The following GAB2 variants were observed in gnomAD, a reference collection of about 807,000 sequenced individuals.
The protein encoded by GAB2 is GRB2-associated-binding protein 2.
Under a neutral mutation model 65.5 loss-of-function variants are expected in GAB2, and 26 were observed. The observed-to-expected ratio is 0.40, with a 90% CI of 0.29 to 0.55. The LOEUF is 0.55. Ranked by LOEUF, GAB2 falls within the 20% of genes least tolerant of loss-of-function variation. The probability of loss-of-function intolerance (pLI) is 0.53; values close to 1 mark genes in which losing one functional copy is unlikely to be tolerated. For missense variants in GAB2, 884 were observed against 875.8 expected (o/e 1.01, Z -0.12); for synonymous variants, 321 against 329.6 (o/e 0.97, Z 0.28).
At chr11:78,288,813 C>T (rs763253135) in intron 1 of GAB2, among the ~76,000 whole-genome samples, 3 of 152,082 alleles carry the variant, frequency 2.0e-5, no homozygotes, top group Admixed American at 6.5e-5. Flanking sequence ...TGTAGATGTA[C>T]GTAAGATTGT....
chr11:78,257,596 G>A (rs933148906), intron 2 of GAB2, among the ~76,000 whole-genome samples: 1 of 152,180 alleles, frequency 6.6e-6, no homozygotes, highest in African/African-American at 2.4e-5. Context: ...TTGAGACCTT[G>A]AGATTGGCCA....
intron 1 of GAB2, among the ~76,000 whole-genome samples, chr11:78,382,397 G>A (rs1248785419): frequency 8.2e-6 from 1 of 122,228 alleles, no homozygotes; most frequent in South Asian, 2.5e-4. Flanking sequence ...TTTTTTTTTT[G>A]AGACAGAGTC....
chr11:78,300,531 A>ACAAAAAAC (rs1866972782), intron 1 of GAB2, among the ~76,000 whole-genome samples: 1 of 142,014 alleles, frequency 7.0e-6, no homozygotes, highest in African/African-American at 3.1e-5. Flanking sequence ...AAACAAAAAA[A>ACAAAAAAC]CAAAAAACTA....
chr11:78,378,783 GC>G (rs1422726180), intron 1 of GAB2, among the ~76,000 whole-genome samples: 15 of 152,268 alleles, frequency 9.9e-5, no homozygotes, highest in African/African-American at 3.1e-4. Flanking sequence ...GAGCCACTGT[GC>G]CCCATAGACA....
At chr11:78,401,483 CCTTTT>C (rs1043611068) in intron 1 of GAB2, among the ~76,000 whole-genome samples, 4 of 141,904 alleles carry the variant, frequency 2.8e-5, no homozygotes, top group African/African-American at 1.1e-4. Context: ...AGTTTTCTTC[CCTTTT>C]AAGGCTGAAC....
intron 1 of GAB2, among the ~76,000 whole-genome samples, chr11:78,367,959 G>A (rs568858171): frequency 1.3e-5 from 2 of 151,186 alleles, no homozygotes; most frequent in East Asian, 1.9e-4. Context: ...TGGGACTACC[G>A]GCACCCGCCA....
intron 1 of GAB2, among the ~76,000 whole-genome samples, chr11:78,293,965 G>A (rs975029216): frequency 2.6e-5 from 4 of 152,038 alleles, no homozygotes; most frequent in Admixed American, 1.3e-4. Flanking sequence ...TGTGCACAAC[G>A]TGCAGGTTAG....
At chr11:78,370,923 T>C (rs976477376) in intron 1 of GAB2, among the ~76,000 whole-genome samples, 9 of 152,122 alleles carry the variant, frequency 5.9e-5, no homozygotes, top group African/African-American at 1.9e-4. Context: ...CACCCCACGT[T>C]TGAACTTGAA....
intron 3 of GAB2, among the ~76,000 whole-genome samples, chr11:78,232,270 G>A (rs1343423424): frequency 1.3e-5 from 2 of 152,144 alleles, no homozygotes; most frequent in African/African-American, 4.8e-5. Flanking sequence ...CAGTGATTCT[G>A]GAATCTCACC....
intron 1 of GAB2, among the ~76,000 whole-genome samples, chr11:78,315,498 A>G (rs188681436): frequency 6.6e-6 from 1 of 152,318 alleles, no homozygotes; most frequent in East Asian, 1.9e-4. Flanking sequence ...GGACCCTTAT[A>G]CCATATACAA....
At chr11:78,233,338 T>C (rs1035599792) in intron 3 of GAB2, among the ~76,000 whole-genome samples, 1 of 152,222 alleles carries the variant, frequency 6.6e-6, no homozygotes, top group African/African-American at 2.4e-5. Flanking sequence ...TCTGGCCTGT[T>C]AGCCATTTTT....
intron 1 of GAB2, among the ~76,000 whole-genome samples, chr11:78,305,325 C>T (rs557939514): frequency 1.3e-5 from 2 of 152,228 alleles, no homozygotes; most frequent in African/African-American, 4.8e-5. Context: ...AGTCTTGTCT[C>T]TGAAACTGCA....
rs73511310 is a variant in GAB2 at position 78,256,001 on chromosome 11, G to A, written c.377-5601C>T. Among the ~76,000 whole-genome samples the A allele has an allele frequency of 2.6e-3, 394 of 152,260 alleles. 4 individuals carry two copies. Among genetic ancestry groups the A allele is most frequent in the African/African-American group, 9.1e-3 (379 of 41,558 alleles). On this transcript the variant is annotated intron_variant, in intron 2 of 9. Transcript: ENST00000361507. Reference sequence around the variant, plus strand: ...TGGAGCAAATCACTTAGCCTCAGTTGCTTCATCTGTAAAAAGGGACTATTA... The same window carrying A: ...TGGAGCAAATCACTTAGCCTCAGTTACTTCATCTGTAAAAAGGGACTATTA...
intron 3 of GAB2, among the ~76,000 whole-genome samples, chr11:78,231,043 A>G (rs1045377360): frequency 1.8e-4 from 27 of 152,226 alleles, no homozygotes; most frequent in African/African-American, 5.3e-4. Context: ...TATGCCATAC[A>G]TATCACATGT....
intron 1 of GAB2, among the ~76,000 whole-genome samples, chr11:78,380,683 T>C (rs928967710): frequency 2.6e-5 from 4 of 152,174 alleles, no homozygotes; most frequent in Admixed American, 1.3e-4. Flanking sequence ...TGAAAGCTAT[T>C]GGAACTTTAA....
chr11:78,258,516 T>C (rs1347178872), intron 2 of GAB2, among the ~76,000 whole-genome samples: 1 of 152,160 alleles, frequency 6.6e-6, no homozygotes, highest in East Asian at 1.9e-4. Flanking sequence ...TTAATTTTTT[T>C]CCCCTCAATG....
rs67850407 is a variant in GAB2, at chr11:78,355,680, T to TAAAA, written c.75+61962_75+61965dup. Among the ~76,000 whole-genome samples the TAAAA allele has an allele frequency of 3.0e-3, 235 of 79,120 alleles. 11 individuals carry two copies. Among genetic ancestry groups the TAAAA allele is most frequent in the African/African-American group, 0.013 (220 of 17,394 alleles). 51.9% of individuals were successfully genotyped at this position (79,120 alleles called of 152,430 possible). The stretch of plus-strand genomic sequence containing the variant: ...AAACAGAGAGAGACCCTGTCTCACT[T>TAAAA]AAAAAAAAAAAAAAAAAAAAAAAAG... On this transcript the variant is annotated intron_variant, in intron 1 of 9. Coordinates refer to ENST00000361507, the MANE Select transcript of GAB2 (RefSeq NM_080491.3).
chr11:78,230,706 G>C (rs913292814), intron 3 of GAB2, among the ~76,000 whole-genome samples: 1 of 152,238 alleles, frequency 6.6e-6, no homozygotes, highest in Non-Finnish European at 1.5e-5. Context: ...AACCAAGTAA[G>C]AGGAGTTGAA....
chr11:78,355,680 T>TAA (rs67850407), intron 1 of GAB2, among the ~76,000 whole-genome samples: 2,113 of 78,944 alleles, frequency 0.027, 123 homozygotes, highest in Middle Eastern at 0.077. Flanking sequence ...CTGTCTCACT[T>TAA]AAAAAAAAAA....
Sources: gnomAD v4.1 joint callset for allele counts (sites outside exome capture counted in the v4.1 genomes callset) on GRCh38, gnomAD v4.1.1 for gene constraint, MANE v1.5 for transcripts, NCBI Gene and HGNC (gene_info 2026-07-23, HGNC 2026-07-21) for gene names.